SARM1: variants seen among roughly 807,000 people sequenced by gnomAD.
SARM1 encodes sterile alpha and TIR motif containing 1.
Under a neutral mutation model 65.1 loss-of-function variants are expected in SARM1, and 60 were observed. The ratio of observed to expected loss-of-function variants is 0.92; its 90% CI spans 0.75 to 1.14. SARM1 has a LOEUF of 1.14. SARM1 is among the 50% of genes most tolerant of loss of function. The pLI is 0.00. For missense variants in SARM1, 913 were observed against 1,015.7 expected, an observed-to-expected ratio of 0.90 and a Z score of 1.37; for synonymous variants, 417 against 465.4, an observed-to-expected ratio of 0.90 and a Z score of 1.34.
chr17:28,388,231 A>G lies in SARM1; in HGVS notation c.1688A>G (p.Asp563Gly), dbSNP rs1214585553. 1 of 1,551,108 alleles carries G rather than the reference A, an allele frequency of 6.4e-7. No homozygotes were observed. The highest frequency in any genetic ancestry group is 2.4e-5 in the East Asian group (1 of 40,960). ...TGGKPSGDTP[D>G]VFISYRRNSG... is the part of the protein sequence containing the mutation. ...GGCAAACCCAGTGGGGACACTCCAG[A>G]TGTCTTCATCAGCTACCGCCGGAAC... is the stretch of plus-strand genomic sequence containing the variant. The change falls in exon 6 of 9, where the codon GAT (aspartate) becomes GGT (glycine). Residue 563 changes from aspartate to glycine, a missense_variant. By Grantham distance (94) the Asp-to-Gly change is moderately conservative. This residue lies in a region of SARM1 where 862 missense variants were observed against 952.1 expected (regional missense o/e 0.91). Transcript: ENST00000585482.
intron 1 of SARM1, chr17:28,374,378 T>TTAGC (rs2142422566): frequency 6.6e-6 from 1 of 151,034 alleles, no homozygotes; most frequent in Non-Finnish European, 1.5e-5. Flanking sequence ...AACACAAAAA[T>TTAGC]TAGCCAGGCA....
rs868958911 is a variant in SARM1 at position 28,385,254 on chromosome 17, C to G, written c.1609C>G (p.Arg537Gly). ...CGIHLGVHRA[R>G]ILTAAREMLH... The stretch of plus-strand genomic sequence containing the variant: ...CATCCACCTGGGCGTGCACCGCGCC[C>G]GCATCCTCACGGCGGCCAGAGGTCA... The change falls in exon 5 of 9, where the codon CGC becomes GGC. Residue 537 changes from arginine to glycine, a missense_variant. By Grantham distance (125) the Arg-to-Gly change is moderately radical. Coordinates refer to ENST00000585482, the MANE Select transcript of SARM1 (RefSeq NM_015077.4). This position sits in a 1 kb window ranked among gnomAD's most constrained non-coding sequence, Gnocchi z 4.5. 2 of 1,565,188 alleles carry G rather than the reference C, an allele frequency of 1.3e-6. No individual in the cohort carries two copies. Among genetic ancestry groups the G allele is most frequent in the Non-Finnish European group, 1.7e-6 (2 of 1,161,926 alleles).
Position 28,372,030 on chromosome 17 carries a change from C to T in SARM1, c.-3C>T, listed in dbSNP as rs1555584076. 6.7e-7 allele frequency: 1 copy of T among 1,497,360 alleles called. No homozygotes were observed. 92.8% of individuals were successfully genotyped at this position (1,497,360 alleles called of 1,614,324 possible). Reference sequence around the variant, plus strand: ...CGGGGATGTCCCCCGCGGCCCCGCGCCCATGGTCCTGACGCTGCTTCTCTC... The same window carrying T: ...CGGGGATGTCCCCCGCGGCCCCGCGTCCATGGTCCTGACGCTGCTTCTCTC... On this transcript the variant is annotated 5_prime_UTR_variant, in exon 1 of 9. Coordinates refer to ENST00000585482, the MANE Select transcript of SARM1 (RefSeq NM_015077.4). The surrounding 1 kb of genome is among the most constrained non-coding windows in gnomAD (Gnocchi z 5.2).
intron 1 of SARM1, among the ~76,000 whole-genome samples, chr17:28,376,502 G>A (rs983159148): frequency 1.3e-5 from 2 of 151,996 alleles, no homozygotes; most frequent in African/African-American, 2.4e-5. Context: ...GAACCCAGGA[G>A]GTGGAGGTTG....
chr17:28,384,769 CT>C lies in SARM1; in HGVS notation c.1303-68del. On this transcript the variant is annotated intron_variant, in intron 3 of 8. Coordinates refer to ENST00000585482, the MANE Select transcript of SARM1 (RefSeq NM_015077.4). The surrounding 1 kb of genome is among the most constrained non-coding windows in gnomAD (Gnocchi z 4.4). ...CTCCACGCCATCTCCAGTTCCTTCC[CT>C]TGCATCTTGTGCTCGAGGTCCAAGG... The C allele has an allele frequency of 7.0e-7, 1 of 1,421,486 alleles. No homozygotes were observed. Among genetic ancestry groups the C allele is most frequent in the South Asian group, 1.2e-5 (1 of 81,228 alleles). The allele number at this position is 1,421,486 out of a possible 1,614,324, so 88.1% of individuals were successfully genotyped here.
rs1555585655 is a variant in SARM1 at position 28,384,540 on chromosome 17, G to A, written c.1273G>A (p.Gly425Ser). The A allele has an allele frequency of 6.2e-7, 1 of 1,611,396 alleles. No homozygotes were observed. The highest frequency in any genetic ancestry group is 2.2e-5 in the East Asian group (1 of 44,828). Reference sequence around the variant, plus strand: ...GGTTCAGACGTGGCTGCAGCAGATCGGTTTCTCCAAGTACTGCGAGAGCTT... The same window carrying A: ...GGTTCAGACGTGGCTGCAGCAGATCAGTTTCTCCAAGTACTGCGAGAGCTT... ...AEVQTWLQQI[G>S]FSKYCESFRE... Residue 425 changes from glycine to serine, a missense_variant, in exon 3 of 9, where the codon GGT becomes AGT. This residue lies in a region of SARM1 where 862 missense variants were observed against 952.1 expected (regional missense o/e 0.91). Transcript: ENST00000585482. The surrounding 1 kb of genome is among the most constrained non-coding windows in gnomAD (Gnocchi z 4.4).
At chr17:28,383,471 A>T (rs1386193038) in intron 2 of SARM1, among the ~76,000 whole-genome samples, 1 of 152,126 alleles carries the variant, frequency 6.6e-6, no homozygotes, top group African/African-American at 2.4e-5. Flanking sequence ...TTCTCTCTGC[A>T]CTCCAGAGCT....
At position 28,384,386 on chromosome 17, in the gene SARM1, C is replaced by T; in HGVS notation, c.1119C>T (p.Ser373=). The change falls in exon 3 of 9, where the codon AGC becomes AGT. Residue 373 remains serine (S), a synonymous_variant. Coordinates refer to ENST00000585482, the MANE Select transcript of SARM1 (RefSeq NM_015077.4). The surrounding 1 kb of genome is among the most constrained non-coding windows in gnomAD (Gnocchi z 4.4). The part of the protein sequence containing the change: ...KVFSDIGAIQ[S]LKRLVSYSTN... ...TCAGCGACATCGGCGCCATCCAGAG[C>T]CTGAAACGCCTGGTTTCCTACTCTA... 1 of 1,606,360 alleles carries T rather than the reference C, an allele frequency of 6.2e-7. No homozygotes were observed.
chr17:28,375,742 A>C (rs929460698), intron 1 of SARM1, among the ~76,000 whole-genome samples: 1 of 152,114 alleles, frequency 6.6e-6, no homozygotes, highest in Admixed American at 6.6e-5. Context: ...AGGCTGAGAC[A>C]GAAGGATTAC....
Position 28,381,486 on chromosome 17 carries a change from G to T in SARM1, c.754G>T (p.Glu252Ter), listed in dbSNP as rs374789573. 6.4e-7 allele frequency: 1 copy of T among 1,555,020 alleles called. No individual in the cohort carries two copies. The highest frequency in any genetic ancestry group is 1.2e-5 in the South Asian group (1 of 84,302). ...QRRMVEKRAA[E>*]WLFPLAFSKE... is the part of the protein sequence containing the mutation. ...ACGCATGGTAGAGAAGCGCGCAGCCGAGTGGCTCTTCCCGCTCGCCTTCTC... is the reference window on the plus strand; with the variant it reads ...ACGCATGGTAGAGAAGCGCGCAGCCTAGTGGCTCTTCCCGCTCGCCTTCTC... The change falls in exon 2 of 9, where the codon GAG (glutamate) becomes TAG (stop). Residue 252 changes from glutamate to a stop codon, truncating the protein, a stop_gained. Coordinates refer to ENST00000585482, the MANE Select transcript of SARM1 (RefSeq NM_015077.4). LOFTEE classifies it high-confidence loss of function.
rs2067955222 is a variant in SARM1, at chr17:28,371,779, C to T, written c.-254C>T. Reference sequence around the variant, plus strand: ...TACCCTACGGCGTCCGGAGCCATCCCTCGCCTGCTCGCTCTCTCCTTTCGC... The same window carrying T: ...TACCCTACGGCGTCCGGAGCCATCCTTCGCCTGCTCGCTCTCTCCTTTCGC... On this transcript the variant is annotated 5_prime_UTR_variant, in exon 1 of 9. Coordinates refer to ENST00000585482, the MANE Select transcript of SARM1 (RefSeq NM_015077.4). 1 of 388,346 alleles carries T rather than the reference C, an allele frequency of 2.6e-6. No homozygotes were observed. Among genetic ancestry groups the T allele is most frequent in the Non-Finnish European group, 4.6e-6 (1 of 217,526 alleles). 24.1% of individuals were successfully genotyped at this position (388,346 alleles called of 1,614,324 possible). A position where few individuals can be genotyped will look rare whatever the true frequency, so the allele number is the denominator to read the frequency against.
chr17:28,376,569 T>A lies in SARM1; in HGVS notation c.470+4067T>A, dbSNP rs181331845. ...GCCTGGGTGACAGAGTGAGATCCTG[T>A]CAAGAAAAAAAAGAAAAGAAAAAGT... On this transcript the variant is annotated intron_variant, in intron 1 of 8. Transcript: ENST00000585482. 3.5e-3 allele frequency among the ~76,000 whole-genome samples: 539 copies of A among 151,966 alleles called. 1 individual carries two copies. Among genetic ancestry groups the A allele is most frequent in the South Asian group, 0.011 (55 of 4,812 alleles).
chr17:28,385,466 G>A lies in SARM1; in HGVS notation c.1630+191G>A. On this transcript the variant is annotated intron_variant, in intron 5 of 8. Coordinates refer to ENST00000585482, the MANE Select transcript of SARM1 (RefSeq NM_015077.4). The surrounding 1 kb of genome is among the most constrained non-coding windows in gnomAD (Gnocchi z 4.5). Reference sequence around the variant, plus strand: ...TTACCTCAAGAAGTTCCCAGTCTGAGGTGGGTAGGCGGTGGGAGGAAGGAG... The same window carrying A: ...TTACCTCAAGAAGTTCCCAGTCTGAAGTGGGTAGGCGGTGGGAGGAAGGAG... 3.4e-6 allele frequency: 2 copies of A among 585,978 alleles called. No individual in the cohort carries two copies. The highest frequency in any genetic ancestry group is 5.9e-6 in the Non-Finnish European group (2 of 337,716). 36.3% of individuals were successfully genotyped at this position (585,978 alleles called of 1,614,324 possible).
At chr17:28,386,645 G>A (rs2068051577) in intron 5 of SARM1, 1 of 152,158 alleles carries the variant, frequency 6.6e-6, no homozygotes, top group Admixed American at 6.5e-5. Flanking sequence ...ACAAGGGACT[G>A]AGCTTTGGCT....
chr17:28,380,095 T>C (rs112693916), intron 1 of SARM1, among the ~76,000 whole-genome samples: 2 of 150,984 alleles, frequency 1.3e-5, no homozygotes, highest in South Asian at 2.1e-4. Context: ...TCTTTTTTTT[T>C]TTTTTCTTTT....
Position 28,396,658 on chromosome 17 carries a change from C to A in SARM1, c.*372C>A. 4.3e-6 allele frequency: 1 copy of A among 230,234 alleles called. No homozygotes were observed. Among genetic ancestry groups the A allele is most frequent in the Non-Finnish European group, 8.6e-6 (1 of 116,360 alleles). 14.3% of individuals were successfully genotyped at this position (230,234 alleles called of 1,614,324 possible). On this transcript the variant is annotated 3_prime_UTR_variant, in exon 9 of 9. Transcript: ENST00000585482. The stretch of plus-strand genomic sequence containing the variant: ...CTTGAGGAGGATGACGGAAGGCAGC[C>A]TCAGACAGGAATTAAGGCAATGCCC...
intron 1 of SARM1, chr17:28,374,275 T>A (rs1597814891): frequency 1.2e-5 from 1 of 81,544 alleles, no homozygotes. Flanking sequence ...AGAGCAAGAC[T>A]CGTCTCAAAA....
chr17:28,393,079 G>A (rs182135073), intron 7 of SARM1, among the ~76,000 whole-genome samples: 45 of 152,258 alleles, frequency 3.0e-4, no homozygotes, highest in African/African-American at 1.1e-3. Context: ...TCAGAACAAC[G>A]CTTTGAGGTA....
In SARM1 at chr17:28,384,800, A is replaced by T; in HGVS notation, c.1303-39A>T. ...TCTTGTGCTCGAGGTCCAAGGGCGG[A>T]GTAGCGAAGCCCTTCCTGACACCCG... On this transcript the variant is annotated intron_variant, in intron 3 of 8. Coordinates refer to ENST00000585482, the MANE Select transcript of SARM1 (RefSeq NM_015077.4). The surrounding 1 kb of genome is among the most constrained non-coding windows in gnomAD (Gnocchi z 4.4). The T allele has an allele frequency of 6.6e-7, 1 of 1,522,774 alleles. No homozygotes were observed. Among genetic ancestry groups the T allele is most frequent in the Non-Finnish European group, 8.9e-7 (1 of 1,120,656 alleles). 94.3% of individuals were successfully genotyped at this position (1,522,774 alleles called of 1,614,324 possible).
Sources: gnomAD v4.1 joint callset for allele counts (sites outside exome capture counted in the v4.1 genomes callset) on GRCh38, gnomAD v4.1.1 for gene constraint, gnomAD v4.1.1 regional missense constraint, Gnocchi (gnomAD v3.1) non-coding constraint, MANE v1.5 for transcripts, NCBI Gene and HGNC (gene_info 2026-07-23, HGNC 2026-07-21) for gene names.